Variants in AGBL1 observed in about 807,000 individuals in gnomAD.
The protein encoded by AGBL1 is cytosolic carboxypeptidase 4.
In AGBL1, 130 loss-of-function variants were observed where a neutral mutation model predicts 118.9. The observed-to-expected ratio is 1.09, with a 90% CI of 0.95 to 1.26. The LOEUF (loss-of-function observed/expected upper bound fraction) is 1.26. Ranked by LOEUF, AGBL1 falls within the 50% of genes most tolerant of loss-of-function variation. AGBL1 has a pLI of 0.00. For missense variants in AGBL1, 1,584 were observed against 1,298.1 expected (o/e 1.22, Z -3.38); for synonymous variants, 555 against 478.9 (o/e 1.16, Z -2.08).
intron 23 of AGBL1, among the ~76,000 whole-genome samples, chr15:86,950,118 T>C (rs2080864235): frequency 6.6e-6 from 1 of 151,972 alleles, no homozygotes; most frequent in South Asian, 2.1e-4. Flanking sequence ...TATCAAAATA[T>C]ATCTGTTAAG....
At chr15:86,373,057 C>A (rs982664222) in intron 17 of AGBL1, among the ~76,000 whole-genome samples, 1 of 152,166 alleles carries the variant, frequency 6.6e-6, no homozygotes, top group Non-Finnish European at 1.5e-5. Context: ...ATGGTCAAAG[C>A]AACAGGAAGT....
intron 21 of AGBL1, among the ~76,000 whole-genome samples, chr15:86,587,052 G>A (rs1480048440): frequency 1.3e-5 from 2 of 152,074 alleles, no homozygotes. Context: ...TAAAGAGTTC[G>A]GACTAGAACC....
chr15:86,481,018 A>G (rs541961883), intron 18 of AGBL1, among the ~76,000 whole-genome samples: 2 of 151,912 alleles, frequency 1.3e-5, no homozygotes, highest in Admixed American at 6.6e-5. Flanking sequence ...ACTATTTTCA[A>G]TGGGTAGGAT....
intron 22 of AGBL1, among the ~76,000 whole-genome samples, chr15:86,896,222 A>G (rs1188433096): frequency 6.6e-6 from 1 of 151,948 alleles, no homozygotes; most frequent in Non-Finnish European, 1.5e-5. Context: ...TCTTTTCCAA[A>G]TGGGTCATAA....
At chr15:86,158,108 G>C (rs527892388) in intron 4 of AGBL1, among the ~76,000 whole-genome samples, 11 of 152,292 alleles carry the variant, frequency 7.2e-5, no homozygotes, top group African/African-American at 2.6e-4. Context: ...CCAAATCTCT[G>C]AATTTTGATC....
intron 21 of AGBL1, among the ~76,000 whole-genome samples, chr15:86,622,625 T>A (rs2084829068): frequency 6.6e-6 from 1 of 151,978 alleles, no homozygotes; most frequent in Non-Finnish European, 1.5e-5. Flanking sequence ...AAGTTCTGGA[T>A]AAAGTGAGGG....
At chr15:86,289,939 A>G (rs2079517668) in intron 16 of AGBL1, among the ~76,000 whole-genome samples, 1 of 152,234 alleles carries the variant, frequency 6.6e-6, no homozygotes, top group African/African-American at 2.4e-5. Flanking sequence ...AACATAAGCA[A>G]TAAACTCAAC....
intron 22 of AGBL1, among the ~76,000 whole-genome samples, chr15:86,834,336 G>A (rs936876206): frequency 2.6e-5 from 4 of 152,108 alleles, no homozygotes; most frequent in Non-Finnish European, 4.4e-5. Flanking sequence ...AATCAAAAAA[G>A]GGAAGTAGAG....
At position 86,176,879 on chromosome 15, in the gene AGBL1, G is replaced by A. The variant is rs375328391; in HGVS notation, c.488+17853G>A. Among the ~76,000 whole-genome samples, 43 of 152,274 alleles carry A rather than the reference G, an allele frequency of 2.8e-4. 1 individual carries two copies. The East Asian group carries it at 6.4e-3, about 23-fold the overall frequency. On this transcript the variant is annotated intron_variant, in intron 5 of 22. Transcript: ENST00000614907. ...TTGCAGGAGTCTGTGGGAATGTGGA[G>A]TCCTGGGGATCCTTTGCTCACCTTT...
chr15:86,834,002 T>C (rs2079140037), intron 22 of AGBL1, among the ~76,000 whole-genome samples: 1 of 152,018 alleles, frequency 6.6e-6, no homozygotes, highest in Admixed American at 6.6e-5. Context: ...GCTACAACTC[T>C]CATAAGCCCA....
rs1303132398 is a variant in AGBL1, at chr15:86,886,312, G to A, written c.3159-20775G>A. Among the ~76,000 whole-genome samples, 3 of 152,160 alleles carry A rather than the reference G, an allele frequency of 2.0e-5. No homozygotes were observed. The South Asian group carries it at 6.2e-4, about 32-fold the overall frequency. ...ACTTGAAGTTATAGCAAGTTATTTTGGGAAGAAATGGCCCACGTTAGCACT... is the reference window on the plus strand; with the variant it reads ...ACTTGAAGTTATAGCAAGTTATTTTAGGAAGAAATGGCCCACGTTAGCACT... On this transcript the variant is annotated intron_variant, in intron 22 of 22. Transcript: ENST00000614907.
chr15:86,219,945 C>CTTTTTTT (rs68023928), intron 5 of AGBL1, among the ~76,000 whole-genome samples: 12 of 85,770 alleles, frequency 1.4e-4, no homozygotes, highest in South Asian at 5.7e-4. Context: ...AATGCTGCCT[C>CTTTTTTT]TTTTTTTTTT....
intron 22 of AGBL1, among the ~76,000 whole-genome samples, chr15:86,784,345 A>G (rs1038377473): frequency 6.6e-6 from 1 of 152,174 alleles, no homozygotes; most frequent in Non-Finnish European, 1.5e-5. Flanking sequence ...TCGAATGAAA[A>G]CAGGAGACGT....
intron 22 of AGBL1, among the ~76,000 whole-genome samples, chr15:86,785,755 T>C (rs977353061): frequency 6.6e-6 from 1 of 152,102 alleles, no homozygotes; most frequent in Non-Finnish European, 1.5e-5. Flanking sequence ...AAGCAGAAGT[T>C]AGGAGAAAAT....
intron 21 of AGBL1, among the ~76,000 whole-genome samples, chr15:86,617,398 G>T (rs2084744917): frequency 6.6e-6 from 1 of 152,272 alleles, no homozygotes; most frequent in East Asian, 1.9e-4. Flanking sequence ...TAGGAGAAAT[G>T]ATGCCTCTGA....
chr15:86,230,039 G>A (rs563299493), intron 6 of AGBL1, among the ~76,000 whole-genome samples: 1 of 152,186 alleles, frequency 6.6e-6, no homozygotes, highest in Non-Finnish European at 1.5e-5. Flanking sequence ...AGAAGAAAAG[G>A]GGGAGGGAGA....
intron 22 of AGBL1, among the ~76,000 whole-genome samples, chr15:86,854,521 A>G (rs192491329): frequency 8.5e-5 from 13 of 152,288 alleles, no homozygotes; most frequent in Non-Finnish European, 1.8e-4. Flanking sequence ...ATGTTCATCT[A>G]TGTCCCAAAT....
intron 15 of AGBL1, among the ~76,000 whole-genome samples, chr15:86,277,867 G>T (rs1403614893): frequency 6.6e-6 from 1 of 152,206 alleles, no homozygotes; most frequent in Non-Finnish European, 1.5e-5. Flanking sequence ...ACACATATGT[G>T]CTTACAAGTG....
chr15:86,191,129 A>G (rs774743504), intron 5 of AGBL1, among the ~76,000 whole-genome samples: 2 of 151,876 alleles, frequency 1.3e-5, no homozygotes, highest in South Asian at 4.2e-4. Context: ...GGATCACCTG[A>G]GGTCAGGAGT....
Sources: gnomAD v4.1 joint callset for allele counts (sites outside exome capture counted in the v4.1 genomes callset) on GRCh38, gnomAD v4.1.1 for gene constraint, MANE v1.5 for transcripts, NCBI Gene and HGNC (gene_info 2026-07-23, HGNC 2026-07-21) for gene names.